The following CNTNAP2 variants were observed in gnomAD, a reference collection of about 807,000 sequenced individuals.
CNTNAP2 encodes contactin-associated protein-like 2.
A neutral mutation model predicts 155.2 loss-of-function variants in CNTNAP2; 98 were observed. The ratio of observed to expected loss-of-function variants is 0.63; its 90% CI spans 0.54 to 0.75. The LOEUF is 0.75. CNTNAP2 is among the 30% of genes least tolerant of loss of function. The pLI, the probability that CNTNAP2 is intolerant of heterozygous loss-of-function variation, is 0.00. For missense variants in CNTNAP2, 1,727 were observed against 1,688.1 expected, an observed-to-expected ratio of 1.02 and a Z score of -0.40; for synonymous variants, 651 against 631.2, an observed-to-expected ratio of 1.03 and a Z score of -0.47.
intron 21 of CNTNAP2, among the ~76,000 whole-genome samples, chr7:148,327,531 T>C (rs1797913994): frequency 6.7e-6 from 1 of 150,220 alleles, no homozygotes. Flanking sequence ...TGCCTCCTTA[T>C]TCCTCTGTTC....
At chr7:146,211,333 G>A (rs1030502398) in intron 1 of CNTNAP2, among the ~76,000 whole-genome samples, 11 of 152,078 alleles carry the variant, frequency 7.2e-5, no homozygotes, top group Admixed American at 1.3e-4. Flanking sequence ...AGCTAAAGTC[G>A]AAATCTTGAA....
intron 13 of CNTNAP2, among the ~76,000 whole-genome samples, chr7:147,832,592 T>A (rs999388694): frequency 6.8e-6 from 1 of 146,072 alleles, no homozygotes. Context: ...GAAATATATA[T>A]TTTTACGTTT....
chr7:146,409,622 T>A (rs373153394), intron 1 of CNTNAP2, among the ~76,000 whole-genome samples: 4 of 152,260 alleles, frequency 2.6e-5, no homozygotes, highest in African/African-American at 9.6e-5. Context: ...AATATTTATA[T>A]GTTAAATTTG....
intron 21 of CNTNAP2, among the ~76,000 whole-genome samples, chr7:148,290,714 C>T (rs550604017): frequency 6.6e-6 from 1 of 152,254 alleles, no homozygotes; most frequent in African/African-American, 2.4e-5. Context: ...AATTAGACCT[C>T]CCATTTCAGC....
chr7:147,547,778 G>A (rs1420023237), intron 11 of CNTNAP2, among the ~76,000 whole-genome samples: 1 of 151,812 alleles, frequency 6.6e-6, no homozygotes, highest in African/African-American at 2.4e-5. Flanking sequence ...ACCCCAACAG[G>A]CCCTGGTGTG....
At chr7:147,617,145 T>A (rs1473109765) in intron 12 of CNTNAP2, among the ~76,000 whole-genome samples, 4 of 152,154 alleles carry the variant, frequency 2.6e-5, no homozygotes, top group Non-Finnish European at 4.4e-5. Context: ...CACCTTCTCC[T>A]TCTTCATGCG....
chr7:146,913,891 T>A (rs535913524), intron 3 of CNTNAP2, among the ~76,000 whole-genome samples: 52 of 152,102 alleles, frequency 3.4e-4, no homozygotes, highest in African/African-American at 1.2e-3. Flanking sequence ...TGTAGTTTTT[T>A]ATTCCTCACC....
At position 147,978,171 on chromosome 7, in the gene CNTNAP2, C is replaced by T. The variant is rs1017374404; in HGVS notation, c.2383+182C>T. 6 of 778,132 alleles carry T rather than the reference C, an allele frequency of 7.7e-6. No homozygotes were observed. The East Asian group carries it at 1.4e-4, about 18-fold the overall frequency. The allele number at this position is 778,132 out of a possible 1,614,324, so 48.2% of individuals were successfully genotyped here. ...GCCATAAAGCCTCCAGTACAGGAGC[C>T]GAGATTTGGGCATAAAGTGGGGATA... is the stretch of plus-strand genomic sequence containing the variant. On this transcript the variant is annotated intron_variant, in intron 15 of 23. Transcript: ENST00000361727.
intron 1 of CNTNAP2, among the ~76,000 whole-genome samples, chr7:146,282,284 G>C (rs1165458272): frequency 6.6e-6 from 1 of 152,200 alleles, no homozygotes; most frequent in Non-Finnish European, 1.5e-5. Flanking sequence ...AAAAGGCAAA[G>C]GAGAAATGTT....
At chr7:146,247,146 A>G (rs907591427) in intron 1 of CNTNAP2, among the ~76,000 whole-genome samples, 146 of 152,280 alleles carry the variant, frequency 9.6e-4, no homozygotes, top group African/African-American at 3.2e-3. Flanking sequence ...AAAGTGTCTC[A>G]GGGTTGCTGC....
At chr7:146,464,644 C>A (rs138328666) in intron 1 of CNTNAP2, among the ~76,000 whole-genome samples, 1 of 152,000 alleles carries the variant, frequency 6.6e-6, no homozygotes, top group Admixed American at 6.6e-5. Flanking sequence ...TCACTATTTG[C>A]GAACTTATCA....
At chr7:148,339,145 G>C (rs988938792) in intron 21 of CNTNAP2, among the ~76,000 whole-genome samples, 2 of 151,856 alleles carry the variant, frequency 1.3e-5, no homozygotes, top group Admixed American at 1.3e-4. Context: ...AAGACACGAA[G>C]TGTAAAAAAA....
At chr7:147,103,433 A>G (rs1297592977) in intron 4 of CNTNAP2, among the ~76,000 whole-genome samples, 4 of 152,154 alleles carry the variant, frequency 2.6e-5, no homozygotes, top group Non-Finnish European at 5.9e-5. Context: ...AGCAAATTCT[A>G]TCTTCTAGTA....
chr7:146,721,191 T>C (rs1442601656), intron 1 of CNTNAP2, among the ~76,000 whole-genome samples: 1 of 133,834 alleles, frequency 7.5e-6, no homozygotes, highest in African/African-American at 2.7e-5. Flanking sequence ...ATATATATTC[T>C]CTATATATAT....
At chr7:147,186,018 T>C (rs1046132031) in intron 8 of CNTNAP2, among the ~76,000 whole-genome samples, 2 of 152,222 alleles carry the variant, frequency 1.3e-5, no homozygotes, top group Admixed American at 6.5e-5. Flanking sequence ...TCAAACTCTT[T>C]CCTTTATAAA....
chr7:148,111,101 A>G (rs967123035), intron 15 of CNTNAP2, among the ~76,000 whole-genome samples: 2 of 152,230 alleles, frequency 1.3e-5, no homozygotes, highest in African/African-American at 4.8e-5. Context: ...CATCCCAGAC[A>G]CACACACTCC....
chr7:147,960,283 A>T (rs1373538502), intron 14 of CNTNAP2, among the ~76,000 whole-genome samples: 1 of 152,184 alleles, frequency 6.6e-6, no homozygotes, highest in Non-Finnish European at 1.5e-5. Flanking sequence ...CGGAGTCAGC[A>T]TCTGTAACTG....
At chr7:146,428,198 A>G (rs566644492) in intron 1 of CNTNAP2, among the ~76,000 whole-genome samples, 2 of 152,314 alleles carry the variant, frequency 1.3e-5, no homozygotes, top group East Asian at 3.9e-4. Context: ...TAGTGCTGCA[A>G]TGAACATACA....
At chr7:148,125,336 G>A (rs1804693893) in intron 16 of CNTNAP2, among the ~76,000 whole-genome samples, 1 of 152,012 alleles carries the variant, frequency 6.6e-6, no homozygotes, top group African/African-American at 2.4e-5. Flanking sequence ...ACGGGGATTT[G>A]ATGTACAGAT....
Sources: allele counts gnomAD v4.1 joint callset (sites outside exome capture counted in the v4.1 genomes callset), GRCh38; gene constraint gnomAD v4.1.1; transcripts MANE v1.5; gene names NCBI Gene and HGNC (gene_info 2026-07-23, HGNC 2026-07-21).